The following UGT1A5 variants were observed in gnomAD, a reference collection of about 807,000 sequenced individuals.
UGT1A5 encodes UDP glucuronosyltransferase family 1 member A5, also known as UDP-glucuronosyltransferase 1A5.
A neutral mutation model predicts 40.3 loss-of-function variants in UGT1A5; 29 were observed. That is an observed-to-expected ratio of 0.72 (90% CI 0.54 to 0.98). The LOEUF is 0.98. Ranked by LOEUF, UGT1A5 falls within the 50% of genes least tolerant of loss-of-function variation. UGT1A5 has a pLI of 0.00. For synonymous variants in UGT1A5, 257 were observed against 262.5 expected (o/e 0.98, Z 0.20); for missense variants, 678 against 677.9 (o/e 1.00, Z 0.00).
intron 1 of UGT1A5, among the ~76,000 whole-genome samples, chr2:233,720,662 A>C (rs1219238244): frequency 2.6e-5 from 4 of 151,614 alleles, no homozygotes; most frequent in East Asian, 3.9e-4. Flanking sequence ...CCAAATTCAC[A>C]CACCAATGAA....
At chr2:233,760,184 G>A in intron 1 of UGT1A5, 1 of 1,553,564 alleles carries the variant, frequency 6.4e-7, no homozygotes, top group Non-Finnish European at 8.7e-7. Flanking sequence ...GCTTTTTATA[G>A]TCACGTGACA....
intron 1 of UGT1A5, chr2:233,748,083 G>T (rs1025205090): frequency 2.2e-5 from 36 of 1,612,854 alleles, no homozygotes; most frequent in Non-Finnish European, 2.8e-5. Context: ...ATCTCAGGTC[G>T]GTGTTCGTGC....
intron 1 of UGT1A5, among the ~76,000 whole-genome samples, chr2:233,732,114 C>A (rs1362758962): frequency 6.7e-6 from 1 of 148,542 alleles, no homozygotes; most frequent in Non-Finnish European, 1.5e-5. Flanking sequence ...TATCCTTTGC[C>A]CACTTTTTGA....
intron 1 of UGT1A5, chr2:233,740,712 A>G (rs1392705535): frequency 6.6e-6 from 1 of 151,804 alleles, no homozygotes; most frequent in Non-Finnish European, 1.5e-5. Context: ...CAAGAGGGTC[A>G]TCTTTGCACC....
intron 1 of UGT1A5, among the ~76,000 whole-genome samples, chr2:233,731,442 C>T (rs375687165): frequency 6.6e-6 from 1 of 152,134 alleles, no homozygotes; most frequent in Non-Finnish European, 1.5e-5. Flanking sequence ...CCCAGTCCCC[C>T]ACCCCACAAC....
intron 1 of UGT1A5, chr2:233,729,480 C>T (rs2077866631): frequency 1.9e-6 from 3 of 1,614,046 alleles, no homozygotes; most frequent in South Asian, 1.1e-5. Context: ...CAATGTTGAA[C>T]AATATGTCTT....
intron 1 of UGT1A5, among the ~76,000 whole-genome samples, chr2:233,714,198 A>C (rs2125637992): frequency 6.6e-6 from 1 of 152,336 alleles, no homozygotes; most frequent in South Asian, 2.1e-4. Context: ...CTACACTGAG[A>C]ACTGATCCAT....
At chr2:233,718,907 A>C (rs368882210) in intron 1 of UGT1A5, 4 of 1,613,892 alleles carry the variant, frequency 2.5e-6, no homozygotes, top group Middle Eastern at 1.7e-4. Context: ...CTGAGAGTGG[A>C]AAGGTGTTGG....
At chr2:233,754,945 G>C (rs1342760083) in intron 1 of UGT1A5, 3 of 1,327,414 alleles carry the variant, frequency 2.3e-6, no homozygotes, top group Non-Finnish European at 3.0e-6. Flanking sequence ...AAGGAGAATG[G>C]GTCCCGGCCG....
chr2:233,713,173 T>C lies in UGT1A5; in HGVS notation c.182T>C (p.Leu61Pro), dbSNP rs28898602. Residue 61 changes from leucine (L) to proline (P), a missense_variant, in exon 1 of 5, where the codon CTC (leucine) becomes CCC (proline). Physicochemically the swap from Leu to Pro is moderately conservative, Grantham distance 98. Transcript: ENST00000373414. Reference protein sequence around the residue: ...LHARGHQVVVLTLEVNMYIKE... With the variant: ...LHARGHQVVVPTLEVNMYIKE... ...GCGAGAGGCCACCAGGTGGTGGTCCTCACCCTGGAGGTGAATATGTACATC... is the reference window on the plus strand; with the variant it reads ...GCGAGAGGCCACCAGGTGGTGGTCCCCACCCTGGAGGTGAATATGTACATC... 3.1e-6 allele frequency: 5 copies of C among 1,614,232 alleles called. No individual in the cohort carries two copies. Among genetic ancestry groups the C allele is most frequent in the Non-Finnish European group, 4.2e-6 (5 of 1,180,046 alleles).
intron 1 of UGT1A5, among the ~76,000 whole-genome samples, chr2:233,753,993 T>C (rs970764565): frequency 1.4e-4 from 22 of 152,184 alleles, no homozygotes; most frequent in Admixed American, 1.4e-3. Context: ...GCCACCAAGT[T>C]TGGGTAATTT....
chr2:233,760,379 TG>T (rs1308601724), intron 1 of UGT1A5: 1 of 1,614,196 alleles, frequency 6.2e-7, no homozygotes, highest in East Asian at 2.2e-5. Flanking sequence ...GGGAAGATAC[TG>T]TTGATCCCAG....
chr2:233,762,168 C>A (rs986737504), intron 1 of UGT1A5, among the ~76,000 whole-genome samples: 2 of 152,090 alleles, frequency 1.3e-5, no homozygotes, highest in African/African-American at 2.4e-5. Flanking sequence ...CCACTGTATG[C>A]GGCGTCCTCA....
chr2:233,713,886 A>T (rs745467291), intron 1 of UGT1A5, 28 bp downstream of exon 1: 80 of 1,613,392 alleles, frequency 5.0e-5, no homozygotes, highest in Non-Finnish European at 6.3e-5. Context: ...TATCCAATCA[A>T]TGTTCCAGGC....
Position 233,713,093 on chromosome 2 carries a change from G to A in UGT1A5, c.102G>A (p.Val34=), listed in dbSNP as rs755118222. 13 of 1,614,096 alleles carry A rather than the reference G, an allele frequency of 8.1e-6. No homozygotes were observed. Among genetic ancestry groups the A allele is most frequent in the Middle Eastern group, 1.6e-4 (1 of 6,074 alleles). Residue 34 remains valine, a synonymous_variant, in exon 1 of 5, where the codon GTG becomes GTA. Transcript: ENST00000373414. ...CTGAGAGTGGGAAGGTGCTGGTGGT[G>A]CCCACTGATGGCAGCCACTGGCTCA... The part of the protein sequence containing the change: ...PWAESGKVLV[V]PTDGSHWLSM...
intron 1 of UGT1A5, chr2:233,719,249 T>C: frequency 1.2e-6 from 2 of 1,614,200 alleles, no homozygotes; most frequent in South Asian, 2.2e-5. Flanking sequence ...ACCTGAATGC[T>C]ACTTCCTTTG....
rs760031954 is a variant in UGT1A5 at position 233,713,186 on chromosome 2, G to A, written c.195G>A (p.Val65=). 1 of 1,614,224 alleles carries A rather than the reference G, an allele frequency of 6.2e-7. No homozygotes were observed. The highest frequency in any genetic ancestry group is 1.1e-5 in the South Asian group (1 of 91,088). Residue 65 remains valine, a synonymous_variant, in exon 1 of 5, where the codon GTG becomes GTA. Transcript: ENST00000373414. ...AGGTGGTGGTCCTCACCCTGGAGGT[G>A]AATATGTACATCAAAGAAGAGAACT... The part of the protein sequence containing the change: ...GHQVVVLTLE[V]NMYIKEENFF...
Position 233,773,040 on chromosome 2 carries a change from C to T in UGT1A5, c.*481C>T, listed in dbSNP as rs1347868003. On this transcript the variant is annotated 3_prime_UTR_variant, in exon 5 of 5. Coordinates refer to ENST00000373414, the MANE Select transcript of UGT1A5 (RefSeq NM_019078.2). ...ACCTTGTGTGTTTAAAGAAGGGAAGCTTTGTACCTTTAGAGTGTAGGTGAA... is the reference window on the plus strand; with the variant it reads ...ACCTTGTGTGTTTAAAGAAGGGAAGTTTTGTACCTTTAGAGTGTAGGTGAA... The T allele has an allele frequency of 5.1e-6, 1 of 194,624 alleles. No individual in the cohort carries two copies. Among genetic ancestry groups the T allele is most frequent in the Non-Finnish European group, 1.1e-5 (1 of 93,038 alleles). 12.1% of individuals were successfully genotyped at this position (194,624 alleles called of 1,614,324 possible).
At chr2:233,767,444 TAAA>T (rs1699395657) in intron 2 of UGT1A5, among the ~76,000 whole-genome samples, 1 of 152,186 alleles carries the variant, frequency 6.6e-6, no homozygotes, top group Non-Finnish European at 1.5e-5. Flanking sequence ...TATTTAAAAA[TAAA>T]ATAAATGGGA....
Sources: allele counts gnomAD v4.1 joint callset (sites outside exome capture counted in the v4.1 genomes callset), GRCh38; gene constraint gnomAD v4.1.1; transcripts MANE v1.5; gene names NCBI Gene and HGNC (gene_info 2026-07-23, HGNC 2026-07-21).